The following RASGEF1C variants were observed in gnomAD, a reference collection of about 807,000 sequenced individuals.
The protein encoded by RASGEF1C is ras-GEF domain-containing family member 1C.
Under a neutral mutation model 58.1 loss-of-function variants are expected in RASGEF1C, and 27 were observed. The ratio of observed to expected loss-of-function variants is 0.46; its 90% confidence interval spans 0.34 to 0.64. The LOEUF (loss-of-function observed/expected upper bound fraction) is 0.64, where lower values mean the gene tolerates loss of function less well. RASGEF1C is among the 30% of genes least tolerant of loss of function. The pLI is 0.01. For synonymous variants in RASGEF1C, 243 were observed against 246.3 expected (o/e 0.99, Z 0.13); for missense variants, 502 against 605.1 (o/e 0.83, Z 1.79).
chr5:180,113,249 GA>G (rs1561731076), intron 11 of RASGEF1C, among the ~76,000 whole-genome samples: 7 of 44,094 alleles, frequency 1.6e-4, no homozygotes, highest in Middle Eastern at 0.013. Flanking sequence ...CGGAGGGACC[GA>G]GGATGGACGG....
rs566585279 is a variant in RASGEF1C at position 180,143,593 on chromosome 5, C to T, written c.-6-5535G>A. 1.3e-5 allele frequency among the ~76,000 whole-genome samples: 2 copies of T among 152,328 alleles called. No homozygotes were observed. Among genetic ancestry groups the T allele is most frequent in the South Asian group, 4.1e-4 (2 of 4,830 alleles). On this transcript the variant is annotated intron_variant, in intron 1 of 13. Transcript: ENST00000361132. The surrounding 1 kb of genome is among the most constrained non-coding windows in gnomAD (Gnocchi z 4.3). ...GCTGTGCTCTGGGAGCTGGCGTGCT[C>T]AGACCTTCCTGGTGTAAAAGTCATC...
chr5:180,131,779 T>C (rs1018106087), intron 4 of RASGEF1C, among the ~76,000 whole-genome samples: 1 of 152,256 alleles, frequency 6.6e-6, no homozygotes, highest in Non-Finnish European at 1.5e-5. Context: ...TACCCCTTGA[T>C]AGGGCCACGA....
At chr5:180,109,530 T>G (rs1765926888) in intron 12 of RASGEF1C, among the ~76,000 whole-genome samples, 1 of 152,226 alleles carries the variant, frequency 6.6e-6, no homozygotes, top group African/African-American at 2.4e-5. Context: ...CCAGGACCTT[T>G]GAATGTTACC....
chr5:180,205,378 A>G (rs1318878945), intron 1 of RASGEF1C, among the ~76,000 whole-genome samples: 1 of 152,204 alleles, frequency 6.6e-6, no homozygotes, highest in East Asian at 1.9e-4. Flanking sequence ...TAAACTTCAT[A>G]AGAAATAGGA....
chr5:180,110,963 G>C (rs1765950527), intron 12 of RASGEF1C, among the ~76,000 whole-genome samples: 1 of 152,102 alleles, frequency 6.6e-6, no homozygotes, highest in Non-Finnish European at 1.5e-5. Flanking sequence ...TTACAGGTAG[G>C]CACTACAACG....
At chr5:180,136,691 GA>G in intron 3 of RASGEF1C, 176 bp from the exon 4 acceptor site, 1 of 641,134 alleles carries the variant, frequency 1.6e-6, no homozygotes, top group East Asian at 2.9e-5. Context: ...GAGGAGGGGG[GA>G]CGGACACATT....
intron 1 of RASGEF1C, among the ~76,000 whole-genome samples, chr5:180,203,370 T>A (rs1451371898): frequency 6.6e-6 from 1 of 152,250 alleles, no homozygotes; most frequent in African/African-American, 2.4e-5. Flanking sequence ...GAAGCCCATG[T>A]GACAAAGACC....
chr5:180,205,715 A>ATATTATTATTATTATTATTATTAT (rs10577396), intron 1 of RASGEF1C, among the ~76,000 whole-genome samples: 32 of 147,152 alleles, frequency 2.2e-4, no homozygotes, highest in Middle Eastern at 3.6e-3. Flanking sequence ...CATTATTATA[A>ATATTATTATTATTATTATTATTAT]TATTATTATT....
intron 1 of RASGEF1C, among the ~76,000 whole-genome samples, chr5:180,200,396 G>A (rs1756366709): frequency 1.6e-5 from 2 of 127,248 alleles, no homozygotes; most frequent in Non-Finnish European, 3.2e-5. Context: ...TGCAAGCTCC[G>A]CCTCCCGGGT....
Position 180,196,563 on chromosome 5 carries a change from T to C in RASGEF1C, c.-7+12465A>G, listed in dbSNP as rs151064451. ...TGTTCAGGTTTTGTATTTCTTCTTATGTCAGTCTTGGTAAGTTACGTCTTT... is the reference window on the plus strand; with the variant it reads ...TGTTCAGGTTTTGTATTTCTTCTTACGTCAGTCTTGGTAAGTTACGTCTTT... On this transcript the variant is annotated intron_variant, in intron 1 of 13. Coordinates refer to ENST00000361132, the MANE Select transcript of RASGEF1C (RefSeq NM_175062.4). 3.6e-4 allele frequency among the ~76,000 whole-genome samples: 55 copies of C among 152,164 alleles called. No individual in the cohort carries two copies. In the East Asian group the frequency reaches 9.6e-3, roughly 27 times the overall value.
intron 4 of RASGEF1C, among the ~76,000 whole-genome samples, 160 bp downstream of exon 4, chr5:180,136,218 G>C (rs538306078): frequency 6.6e-6 from 1 of 152,372 alleles, no homozygotes; most frequent in Admixed American, 6.5e-5. Flanking sequence ...CTCCCAGCTC[G>C]GCAGTGCCTG....
At chr5:180,112,320 G>A (rs1765971760) in intron 11 of RASGEF1C, among the ~76,000 whole-genome samples, 1 of 152,226 alleles carries the variant, frequency 6.6e-6, no homozygotes, top group East Asian at 1.9e-4. Context: ...AAGGCCTGTG[G>A]GTAGCATGTG....
At chr5:180,193,888 G>T (rs1396009147) in intron 1 of RASGEF1C, among the ~76,000 whole-genome samples, 2 of 152,186 alleles carry the variant, frequency 1.3e-5, no homozygotes, top group African/African-American at 4.8e-5. Context: ...TCTCAGATTT[G>T]CTGTAAGCAC....
At chr5:180,207,989 A>G (rs1298299325) in intron 1 of RASGEF1C, among the ~76,000 whole-genome samples, 1 of 152,130 alleles carries the variant, frequency 6.6e-6, no homozygotes, top group Non-Finnish European at 1.5e-5. Flanking sequence ...CCCCTCCCAC[A>G]CCAGCTAGTG....
intron 10 of RASGEF1C, chr5:180,115,289 T>TA (rs781667646): frequency 0.03 from 11,687 of 392,548 alleles, 95 homozygotes; most frequent in African/African-American, 0.059. Flanking sequence ...GGCCTCCTTT[T>TA]TAAAAAAAAA....
chr5:180,175,054 G>A (rs1418326969), intron 1 of RASGEF1C, among the ~76,000 whole-genome samples: 2 of 152,134 alleles, frequency 1.3e-5, no homozygotes, highest in South Asian at 4.1e-4. Flanking sequence ...GTGGGGAAAG[G>A]CCCCAGCGGC....
chr5:180,162,654 A>G (rs1766959739), intron 1 of RASGEF1C, among the ~76,000 whole-genome samples: 1 of 152,240 alleles, frequency 6.6e-6, no homozygotes, highest in Non-Finnish European at 1.5e-5. Flanking sequence ...GAATTGTCAT[A>G]AATAGATTTA....
At chr5:180,148,235 T>G (rs1364636693) in intron 1 of RASGEF1C, among the ~76,000 whole-genome samples, 1 of 152,204 alleles carries the variant, frequency 6.6e-6, no homozygotes, top group East Asian at 1.9e-4. Context: ...TTTATGACTT[T>G]GGATCTAAAA....
intron 1 of RASGEF1C, among the ~76,000 whole-genome samples, chr5:180,173,251 C>T (rs1224586672): frequency 1.3e-5 from 2 of 152,252 alleles, no homozygotes; most frequent in African/African-American, 4.8e-5. Flanking sequence ...TGCATTCCTG[C>T]CTGGTACTGT....
Sources: gnomAD v4.1 joint callset for allele counts (sites outside exome capture counted in the v4.1 genomes callset) on GRCh38, gnomAD v4.1.1 for gene constraint, Gnocchi (gnomAD v3.1) non-coding constraint, MANE v1.5 for transcripts, NCBI Gene and HGNC (gene_info 2026-07-23, HGNC 2026-07-21) for gene names.